Variants in CNTN4 observed in about 807,000 individuals in gnomAD.
CNTN4 encodes the protein contactin-4.
CNTN4 carries 77 observed loss-of-function variants against 122.5 expected under a neutral mutation model. That is an observed-to-expected ratio of 0.63 (90% CI 0.52 to 0.76). The LOEUF is 0.76. Among genes scored for constraint, CNTN4 ranks in the 30% least tolerant of loss-of-function variants. The probability of loss-of-function intolerance (pLI) is 0.00; values close to 1 mark genes in which losing one functional copy is unlikely to be tolerated. For missense variants in CNTN4, 1,256 were observed against 1,259.1 expected, an observed-to-expected ratio of 1.00 and a Z score of 0.04; for synonymous variants, 512 against 447.0, an observed-to-expected ratio of 1.15 and a Z score of -1.83.
chr3:2,882,966 C>G, intron 8 of CNTN4, 179 bp from the exon 9 acceptor site: 2 of 554,038 alleles, frequency 3.6e-6, no homozygotes, highest in Admixed American at 5.3e-5. Context: ...TTTTCTGTAG[C>G]AGTAACTGGG....
At chr3:2,525,396 C>G (rs1226304569) in intron 3 of CNTN4, among the ~76,000 whole-genome samples, 1 of 152,082 alleles carries the variant, frequency 6.6e-6, no homozygotes, top group Non-Finnish European at 1.5e-5. Flanking sequence ...TAACAACTGA[C>G]TGGATATTGT....
intron 4 of CNTN4, among the ~76,000 whole-genome samples, chr3:2,665,659 T>A (rs1273903766): frequency 1.3e-5 from 2 of 152,160 alleles, no homozygotes; most frequent in African/African-American, 4.8e-5. Context: ...AGCCTCACCC[T>A]AATTAGGGGA....
chr3:2,368,104 C>T lies in CNTN4; in HGVS notation c.-89+28871C>T, dbSNP rs183726429. ...CTGGAGTGCAGTGGCGCGATCTCGG[C>T]TCACTGCAAGCTCTGCCTCCTGGGT... is the stretch of plus-strand genomic sequence containing the variant. On this transcript the variant is annotated intron_variant, in intron 3 of 24. Transcript: ENST00000418658. Among the ~76,000 whole-genome samples, 1,327 of 146,738 alleles carry T rather than the reference C, an allele frequency of 9.0e-3. 21 individuals carry two copies. Among genetic ancestry groups the T allele is most frequent in the African/African-American group, 0.032 (1,255 of 39,040 alleles).
chr3:2,117,863 C>T (rs1254446326), intron 2 of CNTN4, among the ~76,000 whole-genome samples: 1 of 152,116 alleles, frequency 6.6e-6, no homozygotes, highest in African/African-American at 2.4e-5. Flanking sequence ...CAATGTGTCC[C>T]ACATCACCCA....
chr3:2,998,404 G>A (rs76296097), intron 14 of CNTN4, among the ~76,000 whole-genome samples: 1,660 of 152,236 alleles, frequency 0.011, 32 homozygotes, highest in African/African-American at 0.038. Context: ...CCTCTGACCT[G>A]CAGAACCAGA....
chr3:2,394,784 GTTTTTTTTTTTT>G (rs56027529), intron 3 of CNTN4, among the ~76,000 whole-genome samples: 3 of 108,488 alleles, frequency 2.8e-5, no homozygotes, highest in Non-Finnish European at 5.5e-5. Flanking sequence ...CCTTATATTA[GTTTTTTTTTTTT>G]TTTTTTTTTT....
At chr3:2,201,199 G>A (rs2038081354) in intron 2 of CNTN4, among the ~76,000 whole-genome samples, 2 of 152,126 alleles carry the variant, frequency 1.3e-5, no homozygotes, top group Admixed American at 6.5e-5. Flanking sequence ...TTGCCCTCCA[G>A]AAAGTTGGAC....
chr3:2,427,333 A>G (rs2151164425), intron 3 of CNTN4, among the ~76,000 whole-genome samples: 1 of 152,334 alleles, frequency 6.6e-6, no homozygotes, highest in Non-Finnish European at 1.5e-5. Flanking sequence ...TTATGTACCC[A>G]GTAGTCATTC....
chr3:2,372,369 A>C (rs57008796), intron 3 of CNTN4, among the ~76,000 whole-genome samples: 26,160 of 152,228 alleles, frequency 0.17, 3,557 homozygotes, highest in East Asian at 0.44. Flanking sequence ...TAGAATCCAA[A>C]GGGCAATAAA....
chr3:2,159,429 A>G (rs1352843147), intron 2 of CNTN4, among the ~76,000 whole-genome samples: 1 of 152,184 alleles, frequency 6.6e-6, no homozygotes, highest in African/African-American at 2.4e-5. Context: ...CAAGCTTTTC[A>G]AAAGGTGACA....
intron 2 of CNTN4, among the ~76,000 whole-genome samples, chr3:2,226,946 A>G (rs1255672525): frequency 2.0e-5 from 3 of 152,256 alleles, no homozygotes; most frequent in Middle Eastern, 3.4e-3. Flanking sequence ...TTATAAATGA[A>G]GAAATTGAGG....
At chr3:2,550,581 C>T (rs1395560835) in intron 3 of CNTN4, among the ~76,000 whole-genome samples, 3 of 152,078 alleles carry the variant, frequency 2.0e-5, no homozygotes, top group Non-Finnish European at 4.4e-5. Context: ...ACCATTTGAC[C>T]CAGCAACCCC....
rs1388880963 is a variant in CNTN4 at position 3,056,923 on chromosome 3, G to A, written c.*703G>A. On this transcript the variant is annotated 3_prime_UTR_variant, in exon 25 of 25. Transcript: ENST00000418658. ...CAATGTACTGCCCAAGAGGCACCTT[G>A]TGCAATATTCCCATCCCTGAATTTA... 1 of 152,638 alleles carries A rather than the reference G, an allele frequency of 6.6e-6. No homozygotes were observed. Among genetic ancestry groups the A allele is most frequent in the African/African-American group, 2.4e-5 (1 of 41,434 alleles). The allele number at this position is 152,638 out of a possible 1,614,324, so 9.5% of individuals were successfully genotyped here.
intron 6 of CNTN4, among the ~76,000 whole-genome samples, chr3:2,753,779 G>A (rs1230485230): frequency 3.9e-5 from 6 of 151,982 alleles, no homozygotes; most frequent in Non-Finnish European, 7.4e-5. Context: ...TCATATATTT[G>A]CTTTTGTTTT....
intron 2 of CNTN4, among the ~76,000 whole-genome samples, chr3:2,164,687 C>A (rs1031172772): frequency 6.6e-6 from 1 of 152,174 alleles, no homozygotes; most frequent in Non-Finnish European, 1.5e-5. Context: ...AGTTTCTCAT[C>A]TGCCACAGAA....
intron 4 of CNTN4, among the ~76,000 whole-genome samples, chr3:2,627,116 T>G (rs1039603676): frequency 6.6e-6 from 1 of 152,198 alleles, no homozygotes; most frequent in Non-Finnish European, 1.5e-5. Context: ...TTGGGAGACC[T>G]CCTGGGATGC....
At chr3:2,723,980 C>G (rs886591758) in intron 4 of CNTN4, among the ~76,000 whole-genome samples, 4 of 152,116 alleles carry the variant, frequency 2.6e-5, no homozygotes, top group African/African-American at 9.7e-5. Context: ...AACCAGCCCC[C>G]AATAACCATT....
intron 2 of CNTN4, among the ~76,000 whole-genome samples, chr3:2,170,291 G>A (rs1289843171): frequency 6.6e-6 from 1 of 152,116 alleles, no homozygotes; most frequent in African/African-American, 2.4e-5. Context: ...CCGCACTCCA[G>A]CCTGGGCGAC....
intron 2 of CNTN4, among the ~76,000 whole-genome samples, chr3:2,256,545 A>G (rs1231273485): frequency 1.3e-5 from 2 of 152,176 alleles, no homozygotes; most frequent in African/African-American, 4.8e-5. Context: ...ATCATCAGTA[A>G]AATACTGGCA....
Sources: gnomAD v4.1 joint callset for allele counts (sites outside exome capture counted in the v4.1 genomes callset) on GRCh38, gnomAD v4.1.1 for gene constraint, MANE v1.5 for transcripts, NCBI Gene and HGNC (gene_info 2026-07-23, HGNC 2026-07-21) for gene names.